Variants in CHRNA7 observed in about 807,000 individuals in gnomAD.
CHRNA7 encodes the protein neuronal acetylcholine receptor subunit alpha-7.
In CHRNA7, 17 loss-of-function variants were observed where a neutral mutation model predicts 48.0. The observed-to-expected ratio is 0.35, with a 90% CI of 0.24 to 0.53. The LOEUF (loss-of-function observed/expected upper bound fraction) is 0.53. Among genes scored for constraint, CHRNA7 ranks in the 20% least tolerant of loss-of-function variants. CHRNA7 has a pLI of 0.92. For synonymous variants in CHRNA7, 75 were observed against 242.3 expected, an observed-to-expected ratio of 0.31 and a Z score of 6.41; for missense variants, 155 against 577.7, an observed-to-expected ratio of 0.27 and a Z score of 7.50.
rs115329516 is a variant in CHRNA7, at chr15:32,094,089, C to T, written c.196-7214C>T. The stretch of plus-strand genomic sequence containing the variant: ...CTCTGTTTGTCAGGTTTAACGGTAC[C>T]GTCAGAAATAAGCATATATCTGTAA... On this transcript the variant is annotated intron_variant, in intron 2 of 9. Coordinates refer to ENST00000306901, the MANE Select transcript of CHRNA7 (RefSeq NM_000746.6). Among the ~76,000 whole-genome samples the T allele has an allele frequency of 4.9e-3, 740 of 152,182 alleles. 6 individuals carry two copies. The highest frequency in any genetic ancestry group is 0.016 in the African/African-American group (682 of 41,522).
intron 4 of CHRNA7, among the ~76,000 whole-genome samples, chr15:32,136,914 C>T (rs1287765610): frequency 2.0e-5 from 3 of 149,810 alleles, no homozygotes; most frequent in Non-Finnish European, 4.4e-5. Context: ...CGCCTGTAGT[C>T]CCAGCTACTT....
intron 2 of CHRNA7, among the ~76,000 whole-genome samples, chr15:32,098,258 G>C (rs1039175014): frequency 6.6e-6 from 1 of 152,180 alleles, no homozygotes; most frequent in African/African-American, 2.4e-5. Context: ...GTGCAGCAGG[G>C]TCGGGACGTG....
intron 4 of CHRNA7, among the ~76,000 whole-genome samples, chr15:32,144,963 G>C (rs144883382): frequency 9.9e-5 from 15 of 152,102 alleles, no homozygotes; most frequent in African/African-American, 3.1e-4. Flanking sequence ...TCCATTGCTG[G>C]CAAGGAGCTG....
intron 2 of CHRNA7, among the ~76,000 whole-genome samples, chr15:32,048,598 T>A (rs1346216531): frequency 6.6e-6 from 1 of 152,078 alleles, no homozygotes; most frequent in African/African-American, 2.4e-5. Flanking sequence ...CTATCAATTT[T>A]GTTGATCCTT....
Position 32,094,084 on chromosome 15 carries a change from G to A in CHRNA7, c.196-7219G>A, listed in dbSNP as rs116333231. Reference sequence around the variant, plus strand: ...ATTTCCTCTGTTTGTCAGGTTTAACGGTACCGTCAGAAATAAGCATATATC... The same window carrying A: ...ATTTCCTCTGTTTGTCAGGTTTAACAGTACCGTCAGAAATAAGCATATATC... On this transcript the variant is annotated intron_variant, in intron 2 of 9. Coordinates refer to ENST00000306901, the MANE Select transcript of CHRNA7 (RefSeq NM_000746.6). 5.7e-3 allele frequency among the ~76,000 whole-genome samples: 875 copies of A among 152,208 alleles called. 6 individuals carry two copies. The highest frequency in any genetic ancestry group is 0.02 in the African/African-American group (843 of 41,548).
At chr15:32,121,499 C>T (rs1049003822) in intron 4 of CHRNA7, among the ~76,000 whole-genome samples, 7 of 152,220 alleles carry the variant, frequency 4.6e-5, no homozygotes, top group African/African-American at 1.7e-4. Context: ...CTTTCCCAGT[C>T]CTTGACAGGC....
intron 4 of CHRNA7, among the ~76,000 whole-genome samples, chr15:32,117,020 C>T (rs901759230): frequency 2.6e-5 from 4 of 152,112 alleles, no homozygotes; most frequent in African/African-American, 9.7e-5. Flanking sequence ...TAATTGTGCT[C>T]ATCATTGTTG....
chr15:32,119,200 TG>T (rs1281919442), intron 4 of CHRNA7, among the ~76,000 whole-genome samples: 1 of 152,170 alleles, frequency 6.6e-6, no homozygotes. Context: ...TGTGTTTTGC[TG>T]GTGGACCAAT....
At chr15:32,057,477 T>A (rs1300331496) in intron 2 of CHRNA7, among the ~76,000 whole-genome samples, 1 of 152,210 alleles carries the variant, frequency 6.6e-6, no homozygotes, top group African/African-American at 2.4e-5. Context: ...TAATGAACAT[T>A]TTGGTGTGTT....
chr15:32,080,912 GACTA>G (rs1214430123), intron 2 of CHRNA7, among the ~76,000 whole-genome samples: 2 of 152,114 alleles, frequency 1.3e-5, no homozygotes, highest in African/African-American at 4.8e-5. Context: ...ATCAATGATA[GACTA>G]AAGAAATGTG....
intron 4 of CHRNA7, among the ~76,000 whole-genome samples, chr15:32,126,937 A>G (rs757559836): frequency 2.6e-5 from 4 of 152,182 alleles, no homozygotes; most frequent in Non-Finnish European, 4.4e-5. Context: ...TTTGTGTAGT[A>G]TATATAATTC....
chr15:32,107,658 C>A (rs1367844591), intron 3 of CHRNA7, among the ~76,000 whole-genome samples: 4 of 152,120 alleles, frequency 2.6e-5, no homozygotes, highest in Non-Finnish European at 5.9e-5. Flanking sequence ...GCGGACAGGG[C>A]GTCGTGGCCG....
intron 4 of CHRNA7, among the ~76,000 whole-genome samples, chr15:32,145,535 T>C (rs1047956695): frequency 6.6e-6 from 1 of 152,182 alleles, no homozygotes; most frequent in African/African-American, 2.4e-5. Context: ...AAGTGGAGTC[T>C]ATAGAGGCAG....
chr15:32,057,547 GT>G (rs1465704730), intron 2 of CHRNA7, among the ~76,000 whole-genome samples: 1 of 152,088 alleles, frequency 6.6e-6, no homozygotes, highest in African/African-American at 2.4e-5. Flanking sequence ...TATATTTCGG[GT>G]TTTGAAAATC....
chr15:32,045,936 G>T (rs1224769702), intron 2 of CHRNA7, among the ~76,000 whole-genome samples: 1 of 149,580 alleles, frequency 6.7e-6, no homozygotes. Context: ...TTTTGTCCTT[G>T]GGATAGTTTA....
At chr15:32,122,594 GT>G (rs911272548) in intron 4 of CHRNA7, among the ~76,000 whole-genome samples, 1 of 152,106 alleles carries the variant, frequency 6.6e-6, no homozygotes, top group African/African-American at 2.4e-5. Context: ...CTACTAAATA[GT>G]TTGTTTTTTA....
Position 32,030,932 on chromosome 15 carries a change from C to T in CHRNA7, c.90C>T (p.Tyr30=). ...AAGGCGAGTTCCAGAGGAAGCTTTA[C>T]AAGGAGCTGGTCAAGAACTACAATC... ...SLQGEFQRKL[Y]KELVKNYNPL... The change falls in exon 2 of 10, where the codon TAC becomes TAT. Residue 30 remains tyrosine (Y), a synonymous_variant. Transcript: ENST00000306901. 2 of 1,614,190 alleles carry T rather than the reference C, an allele frequency of 1.2e-6. No homozygotes were observed. The highest frequency in any genetic ancestry group is 1.6e-4 in the Middle Eastern group (1 of 6,062).
chr15:32,091,465 G>C (rs891653951), intron 2 of CHRNA7, among the ~76,000 whole-genome samples: 1 of 152,140 alleles, frequency 6.6e-6, no homozygotes, highest in African/African-American at 2.4e-5. Flanking sequence ...GACTTGCAAA[G>C]TTCCTAGGCT....
rs541073717 is a variant in CHRNA7, at chr15:32,114,838, T to C, written c.350+2939T>C. Among the ~76,000 whole-genome samples, 7 of 152,322 alleles carry C rather than the reference T, an allele frequency of 4.6e-5. 1 individual carries two copies. Among genetic ancestry groups the C allele is most frequent in the African/African-American group, 1.4e-4 (6 of 41,586 alleles). On this transcript the variant is annotated intron_variant, in intron 4 of 9. Coordinates refer to ENST00000306901, the MANE Select transcript of CHRNA7 (RefSeq NM_000746.6). ...GGCTGGTTGTCTCTTTCACGTGGCATTGGGCACAGCCATGGGCTGGGGCTC... is the reference window on the plus strand; with the variant it reads ...GGCTGGTTGTCTCTTTCACGTGGCACTGGGCACAGCCATGGGCTGGGGCTC...
Sources: gnomAD v4.1 joint callset for allele counts (sites outside exome capture counted in the v4.1 genomes callset) on GRCh38, gnomAD v4.1.1 for gene constraint, MANE v1.5 for transcripts, NCBI Gene and HGNC (gene_info 2026-07-23, HGNC 2026-07-21) for gene names.